PBX1: variants seen among roughly 807,000 people sequenced by gnomAD.
PBX1 encodes pre-B-cell leukemia transcription factor 1.
A neutral mutation model predicts 53.4 loss-of-function variants in PBX1; 6 were observed. The observed-to-expected ratio is 0.11, with a 90% CI of 0.06 to 0.22. PBX1 has a LOEUF of 0.22. Ranked by LOEUF, PBX1 falls within the 10% of genes least tolerant of loss-of-function variation. The probability of loss-of-function intolerance (pLI) is 1.00; values close to 1 mark genes in which losing one functional copy is unlikely to be tolerated. For synonymous variants in PBX1, 204 were observed against 212.3 expected (o/e 0.96, Z 0.34); for missense variants, 251 against 551.4 (o/e 0.46, Z 5.46).
At chr1:164,810,604 T>C (rs749887705) in intron 5 of PBX1, among the ~76,000 whole-genome samples, 1 of 152,206 alleles carries the variant, frequency 6.6e-6, no homozygotes, top group Non-Finnish European at 1.5e-5. Flanking sequence ...CTTACCTTTT[T>C]TCTTCTTTTC....
At chr1:164,828,176 C>T (rs1670562483) in intron 8 of PBX1, among the ~76,000 whole-genome samples, 1 of 152,162 alleles carries the variant, frequency 6.6e-6, no homozygotes, top group Non-Finnish European at 1.5e-5. Context: ...CTGCTTCTCT[C>T]TTTGTAGAAC....
At chr1:164,687,109 A>G (rs1662151174) in intron 2 of PBX1, among the ~76,000 whole-genome samples, 1 of 152,220 alleles carries the variant, frequency 6.6e-6, no homozygotes, top group African/African-American at 2.4e-5. Flanking sequence ...CAACAGCCAT[A>G]GTTCTGGAGC....
At chr1:164,875,130 T>C (rs1229382573) in intron 2 of PBX1, among the ~76,000 whole-genome samples, 1 of 152,164 alleles carries the variant, frequency 6.6e-6, no homozygotes, top group Admixed American at 6.5e-5. Context: ...GGGCTTAATG[T>C]AGAGTTCATG....
chr1:164,638,029 G>T (rs1289006955), intron 2 of PBX1, among the ~76,000 whole-genome samples: 1 of 152,152 alleles, frequency 6.6e-6, no homozygotes, highest in Non-Finnish European at 1.5e-5. Context: ...GAATATTGAG[G>T]GGGTCTATTA....
intron 8 of PBX1, among the ~76,000 whole-genome samples, chr1:164,834,924 G>C (rs991827619): frequency 2.6e-5 from 4 of 152,078 alleles, no homozygotes; most frequent in African/African-American, 9.7e-5. Flanking sequence ...ATTTTTTTCT[G>C]ATTGCAAATT....
At chr1:164,587,580 T>C (rs1655036078) in intron 2 of PBX1, among the ~76,000 whole-genome samples, 1 of 152,178 alleles carries the variant, frequency 6.6e-6, no homozygotes, top group African/African-American at 2.4e-5. Context: ...TGCACTCTTA[T>C]TCAAAGTGTA....
intron 2 of PBX1, among the ~76,000 whole-genome samples, chr1:164,689,414 A>G (rs1261494057): frequency 6.6e-6 from 1 of 151,444 alleles, no homozygotes; most frequent in African/African-American, 2.4e-5. Context: ...ACTCCAGTTG[A>G]TCTGTCCAAA....
chr1:164,756,098 C>T (rs912482227), intron 2 of PBX1, among the ~76,000 whole-genome samples: 8 of 152,032 alleles, frequency 5.3e-5, no homozygotes, highest in African/African-American at 1.9e-4. Flanking sequence ...GCACGTTGCC[C>T]CTTATTTTAG....
chr1:164,872,743 C>T lies in PBX1; in HGVS notation n.258-26445C>T, dbSNP rs75422463. Among the ~76,000 whole-genome samples, 756 of 152,272 alleles carry T rather than the reference C, an allele frequency of 5.0e-3. 1 individual carries two copies. Among genetic ancestry groups the T allele is most frequent in the Non-Finnish European group, 7.3e-3 (498 of 68,014 alleles). ...CCAAGGCTTTTTTCAGGTGTGCTGC[C>T]GATAAGCCCTGTCTCCCCACTGGGC... On this transcript the variant is annotated intron_variant and non_coding_transcript_variant, in intron 2 of 2. Coordinates refer to the PBX1 transcript ENST00000558796.
intron 2 of PBX1, among the ~76,000 whole-genome samples, chr1:164,865,733 T>G (rs935759175): frequency 6.6e-6 from 1 of 152,194 alleles, no homozygotes; most frequent in African/African-American, 2.4e-5. Flanking sequence ...CACCTCATAC[T>G]TAATTTTTTT....
chr1:164,738,144 G>A (rs566056228), intron 2 of PBX1, among the ~76,000 whole-genome samples: 1 of 151,994 alleles, frequency 6.6e-6, no homozygotes, highest in African/African-American at 2.4e-5. Flanking sequence ...GTGTTTCTTC[G>A]TTCATCCATT....
At chr1:164,716,675 A>G (rs372740454) in intron 2 of PBX1, among the ~76,000 whole-genome samples, 28 of 98,438 alleles carry the variant, frequency 2.8e-4, no homozygotes, top group African/African-American at 1.0e-3. Flanking sequence ...AACATGGGAA[A>G]TGTCATCTCT....
At chr1:164,784,728 CG>C (rs1319571365) in intron 2 of PBX1, among the ~76,000 whole-genome samples, 1 of 152,204 alleles carries the variant, frequency 6.6e-6, no homozygotes, top group Non-Finnish European at 1.5e-5. Context: ...AAAGTCAGCA[CG>C]GTGCCTGGCA....
intron 2 of PBX1, among the ~76,000 whole-genome samples, chr1:164,582,714 G>A (rs537239277): frequency 1.8e-4 from 27 of 152,126 alleles, no homozygotes; most frequent in Admixed American, 7.9e-4. Context: ...GTGAGCCACC[G>A]TGCCCGGCCT....
chr1:164,754,064 C>T (rs963252274), intron 2 of PBX1, among the ~76,000 whole-genome samples: 1 of 152,138 alleles, frequency 6.6e-6, no homozygotes, highest in African/African-American at 2.4e-5. Context: ...TTATGTATCT[C>T]GGCAAAGGTG....
At chr1:164,863,833 G>A (rs992151072) in intron 2 of PBX1, among the ~76,000 whole-genome samples, 5 of 152,088 alleles carry the variant, frequency 3.3e-5, no homozygotes, top group Non-Finnish European at 7.4e-5. Flanking sequence ...GAGAAGGGAG[G>A]ACCACATGAG....
chr1:164,631,593 C>A (rs1000722468), intron 2 of PBX1, among the ~76,000 whole-genome samples: 1 of 152,158 alleles, frequency 6.6e-6, no homozygotes, highest in South Asian at 2.1e-4. Flanking sequence ...AGCCTCCGGG[C>A]ATATTTACAA....
chr1:164,618,242 TA>T (rs1193078150), intron 2 of PBX1, among the ~76,000 whole-genome samples: 2 of 139,152 alleles, frequency 1.4e-5, no homozygotes, highest in Non-Finnish European at 3.1e-5. Context: ...AGCAAACACT[TA>T]AAAGTTCGGA....
chr1:164,631,034 G>A (rs954215105), intron 2 of PBX1: 1 of 152,230 alleles, frequency 6.6e-6, no homozygotes, highest in Non-Finnish European at 1.5e-5. Context: ...CCTCGCAGAA[G>A]TTGAGAGTGT....
Sources: gnomAD v4.1 joint callset for allele counts (sites outside exome capture counted in the v4.1 genomes callset) on GRCh38, gnomAD v4.1.1 for gene constraint, MANE v1.5 for transcripts, NCBI Gene and HGNC (gene_info 2026-07-23, HGNC 2026-07-21) for gene names.